RYR2: variants seen among roughly 807,000 people sequenced by gnomAD.
RYR2 encodes the protein cardiac muscle ryanodine receptor-calcium release channel.
Under a neutral mutation model 601.1 loss-of-function variants are expected in RYR2, and 227 were observed. The ratio of observed to expected loss-of-function variants is 0.38; its 90% CI spans 0.34 to 0.42. The LOEUF (loss-of-function observed/expected upper bound fraction) is 0.42, where lower values mean the gene tolerates loss of function less well. Ranked by LOEUF, RYR2 falls within the 10% of genes least tolerant of loss-of-function variation. RYR2 has a pLI of 1.00. For synonymous variants in RYR2, 2,223 were observed against 2,175.1 expected, an observed-to-expected ratio of 1.02 and a Z score of -0.61; for missense variants, 4,646 against 6,156.5, an observed-to-expected ratio of 0.75 and a Z score of 8.21.
chr1:237,752,943 T>G (rs1558344285), intron 80 of RYR2, among the ~76,000 whole-genome samples: 1 of 152,180 alleles, frequency 6.6e-6, no homozygotes, highest in East Asian at 1.9e-4. Flanking sequence ...GAAAATATTA[T>G]GAAAACCTTT....
At chr1:237,804,892 C>A (rs146049530) in intron 98 of RYR2, among the ~76,000 whole-genome samples, 252 of 152,316 alleles carry the variant, frequency 1.7e-3, no homozygotes, top group African/African-American at 5.7e-3. Context: ...CTTTTGTTGG[C>A]TGTAGAGCAA....
intron 1 of RYR2, among the ~76,000 whole-genome samples, chr1:237,200,309 G>A (rs554012012): frequency 2.2e-4 from 34 of 151,812 alleles, no homozygotes; most frequent in African/African-American, 8.0e-4. Flanking sequence ...TGTTGCCCGG[G>A]TTGGAGTGCA....
At chr1:237,379,582 T>C (rs1389168751) in intron 8 of RYR2, among the ~76,000 whole-genome samples, 1 of 152,252 alleles carries the variant, frequency 6.6e-6, no homozygotes, top group Admixed American at 6.5e-5. Context: ...CATGATTAAT[T>C]AAAATTTACA....
intron 17 of RYR2, among the ~76,000 whole-genome samples, chr1:237,473,060 G>T (rs992990193): frequency 6.6e-6 from 1 of 151,900 alleles, no homozygotes; most frequent in Non-Finnish European, 1.5e-5. Flanking sequence ...TAGTGGCAGG[G>T]ACAATAGTGT....
intron 1 of RYR2, among the ~76,000 whole-genome samples, chr1:237,151,247 C>T (rs1315935578): frequency 6.6e-6 from 1 of 152,146 alleles, no homozygotes; most frequent in Admixed American, 6.6e-5. Flanking sequence ...CAAAATTATG[C>T]TTCTCCCGAA....
chr1:237,059,176 C>T (rs927148951), intron 1 of RYR2, among the ~76,000 whole-genome samples: 2 of 152,082 alleles, frequency 1.3e-5, no homozygotes, highest in Admixed American at 1.3e-4. Context: ...AATGGGCAAA[C>T]TAAAGCCCAC....
intron 3 of RYR2, among the ~76,000 whole-genome samples, chr1:237,353,079 GATA>G (rs1365413979): frequency 1.3e-5 from 2 of 152,132 alleles, no homozygotes; most frequent in Admixed American, 6.5e-5. Flanking sequence ...GTAAAATGCA[GATA>G]ATAAGATTAC....
intron 1 of RYR2, among the ~76,000 whole-genome samples, chr1:237,148,527 A>ATATAT (rs1158996552): frequency 4.8e-5 from 4 of 83,918 alleles, no homozygotes; most frequent in Non-Finnish European, 7.1e-5. Context: ...AAAAAAAAAA[A>ATATAT]ATATATATAT....
intron 96 of RYR2, among the ~76,000 whole-genome samples, chr1:237,795,637 G>A (rs1177094375): frequency 7.3e-6 from 1 of 136,538 alleles, no homozygotes. Flanking sequence ...TTTTAGTCGA[G>A]ATGGGGTTTC....
chr1:237,562,427 T>C (rs722581), intron 27 of RYR2, among the ~76,000 whole-genome samples: 39,817 of 152,180 alleles, frequency 0.26, 5,547 homozygotes, highest in South Asian at 0.38. Context: ...TAGTGGCATA[T>C]ATTTTCTTAG....
chr1:237,447,202 G>A (rs990246314), intron 14 of RYR2, among the ~76,000 whole-genome samples: 3 of 152,200 alleles, frequency 2.0e-5, no homozygotes, highest in African/African-American at 7.2e-5. Flanking sequence ...ACCAAAAACT[G>A]GTTATTTGTT....
chr1:237,339,632 G>A (rs1261524937), intron 3 of RYR2, among the ~76,000 whole-genome samples: 1 of 152,010 alleles, frequency 6.6e-6, no homozygotes, highest in African/African-American at 2.4e-5. Context: ...AAAAAATCAG[G>A]ACACAAAATG....
In RYR2 at chr1:237,270,523, C is replaced by T. The variant is rs751027523; in HGVS notation, c.75C>T (p.Thr25=). The T allele has an allele frequency of 1.0e-5, 16 of 1,590,986 alleles. No individual in the cohort carries two copies. In the South Asian group the frequency reaches 1.1e-4, roughly 11 times the overall value. Residue 25 remains threonine, a synonymous_variant, in exon 2 of 105, where the codon ACC becomes ACT. Coordinates refer to ENST00000366574, the MANE Select transcript of RYR2 (RefSeq NM_001035.3). The stretch of plus-strand genomic sequence containing the variant: ...ATGATGAAGTGGTTCTGCAGTGCAC[C>T]GCAACCATCCACAAAGAACAACAGA... ...RTDDEVVLQC[T]ATIHKEQQKL... is the part of the protein sequence containing the mutation.
At chr1:237,133,000 G>T (rs1295185191) in intron 1 of RYR2, among the ~76,000 whole-genome samples, 39 of 152,200 alleles carry the variant, frequency 2.6e-4, no homozygotes, top group Admixed American at 2.5e-3. Context: ...GGTAGGCACT[G>T]AGGAAGCATG....
chr1:237,260,910 C>A (rs1688446681), intron 1 of RYR2, among the ~76,000 whole-genome samples: 1 of 152,188 alleles, frequency 6.6e-6, no homozygotes, highest in Admixed American at 6.5e-5. Context: ...AGCATGCAAA[C>A]TGAGGACTGC....
At chr1:237,817,152 G>A (rs1224295778) in intron 100 of RYR2, among the ~76,000 whole-genome samples, 5 of 152,130 alleles carry the variant, frequency 3.3e-5, no homozygotes, top group African/African-American at 4.8e-5. Flanking sequence ...GACCCTGAAT[G>A]TGCCCAATCT....
chr1:237,192,141 A>G (rs919261963), intron 1 of RYR2, among the ~76,000 whole-genome samples: 5 of 151,634 alleles, frequency 3.3e-5, no homozygotes, highest in African/African-American at 7.3e-5. Context: ...ACTTCAACCC[A>G]TGCATCACAA....
At chr1:237,691,405 T>C (rs964946701) in intron 63 of RYR2, among the ~76,000 whole-genome samples, 3 of 152,126 alleles carry the variant, frequency 2.0e-5, no homozygotes, top group Admixed American at 6.6e-5. Context: ...CAGAGTTTGA[T>C]GGGTAATGGA....
intron 84 of RYR2, among the ~76,000 whole-genome samples, chr1:237,765,964 G>A (rs1432024017): frequency 1.3e-5 from 2 of 152,256 alleles, no homozygotes; most frequent in African/African-American, 2.4e-5. Flanking sequence ...AGTACTTAGC[G>A]GCTGGGATGT....
Sources: allele counts gnomAD v4.1 joint callset (sites outside exome capture counted in the v4.1 genomes callset), GRCh38; gene constraint gnomAD v4.1.1; transcripts MANE v1.5; gene names NCBI Gene and HGNC (gene_info 2026-07-23, HGNC 2026-07-21).